The following TTPA variants were observed in gnomAD, a reference collection of about 807,000 sequenced individuals.
TTPA encodes the protein alpha tocopherol transfer protein.
Under a neutral mutation model 25.9 loss-of-function variants are expected in TTPA, and 23 were observed. The ratio of observed to expected loss-of-function variants is 0.89; its 90% CI spans 0.64 to 1.26. The LOEUF is 1.26. Ranked by LOEUF, TTPA falls within the 50% of genes most tolerant of loss-of-function variation. TTPA has a pLI of 0.00. For missense variants in TTPA, 337 were observed against 353.1 expected, an observed-to-expected ratio of 0.95 and a Z score of 0.37; for synonymous variants, 148 against 137.3, an observed-to-expected ratio of 1.08 and a Z score of -0.54.
rs770012587 is a variant in TTPA, at chr8:63,067,540, CA to C, written c.359-1444del. Among the ~76,000 whole-genome samples, 371 of 93,754 alleles carry C rather than the reference CA, an allele frequency of 4.0e-3. 2 individuals are homozygous for C. Among genetic ancestry groups the C allele is most frequent in the East Asian group, 0.012 (38 of 3,190 alleles). 61.5% of individuals were successfully genotyped at this position (93,754 alleles called of 152,430 possible). A position where few individuals can be genotyped will look rare whatever the true frequency, so the allele number is the denominator to read the frequency against. On this transcript the variant is annotated intron_variant, in intron 2 of 4. Transcript: ENST00000260116. ...TCATAACTAAGCAATAGTAAATTTT[CA>C]AAAAAAAAAAAAAACAACAAAAGTT...
At chr8:63,072,106 T>A (rs1275855894) in intron 2 of TTPA, among the ~76,000 whole-genome samples, 1 of 152,158 alleles carries the variant, frequency 6.6e-6, no homozygotes, top group Non-Finnish European at 1.5e-5. Flanking sequence ...GCCTGGGGCA[T>A]TTTCGAACTA....
intron 1 of TTPA, among the ~76,000 whole-genome samples, chr8:63,074,945 A>G (rs1018343766): frequency 2.6e-5 from 4 of 152,232 alleles, no homozygotes; most frequent in African/African-American, 7.2e-5. Context: ...GTCATGAGTA[A>G]ACCAACTGGA....
intron 1 of TTPA, among the ~76,000 whole-genome samples, chr8:63,075,698 C>CAAAAA (rs751066913): frequency 3.6e-3 from 205 of 56,222 alleles, no homozygotes; most frequent in Middle Eastern, 0.013. Flanking sequence ...GACTCCGTCT[C>CAAAAA]AAAAAAAAAA....
intron 2 of TTPA, 44 bp downstream of exon 2, chr8:63,072,883 CACAACTGA>C (rs1403023147): frequency 6.2e-7 from 1 of 1,603,578 alleles, no homozygotes; most frequent in Non-Finnish European, 8.5e-7. Context: ...GGGGAGGGAA[CACAACTGA>C]ACTGGAGGAG....
At chr8:63,072,140 A>G (rs1384508206) in intron 2 of TTPA, among the ~76,000 whole-genome samples, 1 of 152,144 alleles carries the variant, frequency 6.6e-6, no homozygotes, top group Admixed American at 6.5e-5. Flanking sequence ...TCATTCCACA[A>G]ATATTTAGTG....
At chr8:63,065,791 A>G in intron 3 of TTPA, 113 bp downstream of exon 3, 1 of 1,199,868 alleles carries the variant, frequency 8.3e-7, no homozygotes. Flanking sequence ...CATTTCCAAA[A>G]TTGTATTTAA....
intron 3 of TTPA, among the ~76,000 whole-genome samples, chr8:63,064,626 C>A (rs1480453210): frequency 6.6e-6 from 1 of 152,058 alleles, no homozygotes; most frequent in Non-Finnish European, 1.5e-5. Context: ...ACCAATGAGT[C>A]ATTTGGAAAT....
At chr8:63,081,338 T>A (rs1805660840) in intron 1 of TTPA, among the ~76,000 whole-genome samples, 2 of 152,016 alleles carry the variant, frequency 1.3e-5, no homozygotes, top group South Asian at 2.1e-4. Context: ...TGGTTCAACA[T>A]ACACAAATCA....
In TTPA at chr8:63,085,843, T is replaced by C. The variant is rs1325160978; in HGVS notation, c.179A>G (p.Asp60Gly). The C allele has an allele frequency of 6.5e-7, 1 of 1,536,344 alleles. No individual in the cohort carries two copies. The highest frequency in any genetic ancestry group is 2.5e-5 in the East Asian group (1 of 40,676). Residue 60 changes from aspartate (D) to glycine (G), a missense_variant, in exon 1 of 5, where the codon GAT becomes GGT. Transcript: ENST00000260116. ...SFLLRFLRARDFDLDLAWRLL... is the reference protein window; with the variant it reads ...SFLLRFLRARGFDLDLAWRLL... ...CCGCCAGGCCAGGTCCAGATCGAAA[T>C]CCCGGGCGCGCAGGAACCGCAGCAG...
chr8:63,068,483 A>C (rs1276163187), intron 2 of TTPA, among the ~76,000 whole-genome samples: 1 of 152,206 alleles, frequency 6.6e-6, no homozygotes, highest in Non-Finnish European at 1.5e-5. Flanking sequence ...TGGTAAAAAG[A>C]AAGTCAATAA....
chr8:63,077,148 TA>T (rs1805575837), intron 1 of TTPA, among the ~76,000 whole-genome samples: 2 of 152,086 alleles, frequency 1.3e-5, no homozygotes, highest in South Asian at 4.1e-4. Flanking sequence ...CTAAAATACA[TA>T]AAAATATTTT....
chr8:63,065,903 C>G lies in TTPA; in HGVS notation c.552+1G>C. ...GCCTGACAGTTAAAATATACATTTA[C>G]CGTAAGTACAGCAGCAATCTTCTTG... On this transcript the variant is annotated splice_donor_variant, in intron 3 of 4. Coordinates refer to ENST00000260116, the MANE Select transcript of TTPA (RefSeq NM_000370.3). LOFTEE classifies it high-confidence loss of function. The G allele has an allele frequency of 6.2e-7, 1 of 1,613,794 alleles. No homozygotes were observed. The highest frequency in any genetic ancestry group is 2.2e-5 in the East Asian group (1 of 44,856).
intron 1 of TTPA, among the ~76,000 whole-genome samples, chr8:63,082,239 C>A (rs1805675020): frequency 6.6e-6 from 1 of 152,166 alleles, no homozygotes; most frequent in Non-Finnish European, 1.5e-5. Flanking sequence ...TGACTTCAAA[C>A]TACGCTACAA....
intron 1 of TTPA, 97 bp from the exon 2 acceptor site, chr8:63,073,185 A>G (rs555448323): frequency 2.0e-6 from 2 of 995,778 alleles, no homozygotes; most frequent in African/African-American, 3.2e-5. Context: ...AAACTTTGCC[A>G]TCCATTATGT....
At chr8:63,085,404 A>C (rs1805733038) in intron 1 of TTPA, among the ~76,000 whole-genome samples, 1 of 152,204 alleles carries the variant, frequency 6.6e-6, no homozygotes, top group African/African-American at 2.4e-5. Flanking sequence ...CGCTATACGT[A>C]GTTAATCTGG....
chr8:63,067,221 G>A (rs72659816), intron 2 of TTPA, among the ~76,000 whole-genome samples: 2,823 of 152,160 alleles, frequency 0.019, 46 homozygotes, highest in Non-Finnish European at 0.025. Flanking sequence ...GATAAATGCT[G>A]GAAAAGACAG....
chr8:63,081,115 G>A (rs1041758582), intron 1 of TTPA, among the ~76,000 whole-genome samples: 1 of 151,788 alleles, frequency 6.6e-6, no homozygotes, highest in African/African-American at 2.4e-5. Context: ...AATAGAAAAA[G>A]AGGGGATCCT....
chr8:63,073,287 G>T (rs1563363440), intron 1 of TTPA, among the ~76,000 whole-genome samples, 199 bp from the exon 2 acceptor site: 1 of 152,092 alleles, frequency 6.6e-6, no homozygotes, highest in Non-Finnish European at 1.5e-5. Context: ...CACAAATTCA[G>T]AGCTGAGCAA....
rs1349901379 is a variant in TTPA, at chr8:63,086,022, G to A, written c.-1C>T. ...AGGGCTGGGATCGCGCCTCTGCCAT[G>A]CCCGCCGCCGCTGCTGCGGCCGCAG... On this transcript the variant is annotated 5_prime_UTR_variant, in exon 1 of 5. Coordinates refer to ENST00000260116, the MANE Select transcript of TTPA (RefSeq NM_000370.3). 2 of 1,422,814 alleles carry A rather than the reference G, an allele frequency of 1.4e-6. No homozygotes were observed. The highest frequency in any genetic ancestry group is 1.8e-6 in the Non-Finnish European group (2 of 1,090,092). The allele number at this position is 1,422,814 out of a possible 1,614,324, so 88.1% of individuals were successfully genotyped here. A position where few individuals can be genotyped will look rare whatever the true frequency, so the allele number is the denominator to read the frequency against.
Sources: allele counts gnomAD v4.1 joint callset (sites outside exome capture counted in the v4.1 genomes callset), GRCh38; gene constraint gnomAD v4.1.1; transcripts MANE v1.5; gene names NCBI Gene and HGNC (gene_info 2026-07-23, HGNC 2026-07-21).